The following CDH13 variants were observed in gnomAD, a reference collection of about 807,000 sequenced individuals.
The protein encoded by CDH13 is cadherin-13.
CDH13 carries 24 observed loss-of-function variants against 63.8 expected under a neutral mutation model. The observed-to-expected ratio is 0.38, with a 90% confidence interval of 0.27 to 0.53. The LOEUF (loss-of-function observed/expected upper bound fraction) is 0.53, where lower values mean the gene tolerates loss of function less well. Among genes scored for constraint, CDH13 ranks in the 20% least tolerant of loss-of-function variants. The pLI is 0.85. For synonymous variants in CDH13, 503 were observed against 355.3 expected (o/e 1.42, Z -4.67); for missense variants, 1,049 against 903.1 (o/e 1.16, Z -2.07).
chr16:83,181,423 C>A (rs891774879), intron 4 of CDH13, among the ~76,000 whole-genome samples: 6 of 152,296 alleles, frequency 3.9e-5, no homozygotes, highest in Non-Finnish European at 7.4e-5. Context: ...CATAAAGGAA[C>A]CACTATGTGG....
rs115211643 is a variant in CDH13, at chr16:83,536,038, T to C, written c.960+49383T>C. The stretch of plus-strand genomic sequence containing the variant: ...GGCTTTGGCCCTCCTCTCTCTAGAG[T>C]AGTCATTGAAAAATTCACCCAGGAC... On this transcript the variant is annotated intron_variant, in intron 7 of 13. Transcript: ENST00000567109. 5.5e-3 allele frequency among the ~76,000 whole-genome samples: 838 copies of C among 151,560 alleles called. 9 individuals are homozygous for C. Among genetic ancestry groups the C allele is most frequent in the African/African-American group, 0.019 (800 of 41,280 alleles).
At chr16:82,654,117 C>T (rs1250786522) in intron 1 of CDH13, among the ~76,000 whole-genome samples, 3 of 152,176 alleles carry the variant, frequency 2.0e-5, no homozygotes, top group Middle Eastern at 3.4e-3. Context: ...CATCTATTTC[C>T]GGCCTACACT....
intron 10 of CDH13, among the ~76,000 whole-genome samples, chr16:83,706,158 A>ATTG (rs1171738723): frequency 6.6e-6 from 1 of 152,158 alleles, no homozygotes; most frequent in Non-Finnish European, 1.5e-5. Flanking sequence ...TTATCTGGCA[A>ATTG]TTGTTGATTG....
intron 1 of CDH13, among the ~76,000 whole-genome samples, chr16:82,845,704 G>C (rs1232690697): frequency 6.6e-6 from 1 of 152,098 alleles, no homozygotes. Context: ...TCATATAGGG[G>C]CTCCTTTGTT....
chr16:82,673,366 C>T (rs909721358), intron 1 of CDH13, among the ~76,000 whole-genome samples: 1 of 152,146 alleles, frequency 6.6e-6, no homozygotes, highest in African/African-American at 2.4e-5. Context: ...AATGCCATTA[C>T]TAGTTCTCTC....
rs1011652924 is a variant in CDH13, at chr16:83,204,399, G to A, written c.484-12946G>A. On this transcript the variant is annotated intron_variant, in intron 4 of 13. Coordinates refer to ENST00000567109, the MANE Select transcript of CDH13 (RefSeq NM_001257.5). ...TAAAATGCTAAGAATAGCATGTGCC[G>A]GAGTCAGTGTTCAGTAAATGGTAGC... 1.4e-4 allele frequency among the ~76,000 whole-genome samples: 22 copies of A among 152,260 alleles called. 1 individual carries two copies. Among genetic ancestry groups the A allele is most frequent in the East Asian group, 7.7e-4 (4 of 5,184 alleles).
intron 7 of CDH13, among the ~76,000 whole-genome samples, chr16:83,495,237 A>G (rs540067446): frequency 3.4e-4 from 52 of 152,310 alleles, no homozygotes; most frequent in Admixed American, 7.2e-4. Flanking sequence ...CCATTAATCA[A>G]TACTTGTAAA....
chr16:82,755,530 C>A (rs147324084), intron 1 of CDH13, among the ~76,000 whole-genome samples: 5 of 152,318 alleles, frequency 3.3e-5, no homozygotes, highest in African/African-American at 1.2e-4. Flanking sequence ...CCCCAATTTT[C>A]TGAAATGTTT....
chr16:83,244,876 AC>A (rs1882749813), intron 5 of CDH13, among the ~76,000 whole-genome samples: 1 of 152,142 alleles, frequency 6.6e-6, no homozygotes, highest in African/African-American at 2.4e-5. Flanking sequence ...GAATCTGGTC[AC>A]ATAGGCACCC....
chr16:82,865,082 A>C (rs1004168892), intron 2 of CDH13, among the ~76,000 whole-genome samples: 1 of 152,206 alleles, frequency 6.6e-6, no homozygotes, highest in African/African-American at 2.4e-5. Context: ...CTGATGCAAG[A>C]GGTGGGTTCT....
chr16:83,730,627 G>A (rs1045534040), intron 10 of CDH13, among the ~76,000 whole-genome samples: 1 of 150,374 alleles, frequency 6.7e-6, no homozygotes, highest in African/African-American at 2.4e-5. Context: ...TGGGTTTTTT[G>A]TTTGTTTGTT....
At chr16:83,470,313 T>C (rs1490620641) in intron 6 of CDH13, among the ~76,000 whole-genome samples, 1 of 152,166 alleles carries the variant, frequency 6.6e-6, no homozygotes, top group Non-Finnish European at 1.5e-5. Context: ...CGCCTCAGTC[T>C]CCCAAACTGC....
intron 3 of CDH13, among the ~76,000 whole-genome samples, chr16:83,101,066 C>A (rs891933770): frequency 7.9e-5 from 12 of 151,942 alleles, no homozygotes; most frequent in African/African-American, 2.7e-4. Context: ...GATTGAGCAC[C>A]TACTATATGC....
At chr16:83,034,137 C>T (rs1425649930) in intron 3 of CDH13, among the ~76,000 whole-genome samples, 5 of 152,136 alleles carry the variant, frequency 3.3e-5, no homozygotes, top group Admixed American at 3.3e-4. Flanking sequence ...CCTGCAGTGG[C>T]AAATAAGTGG....
chr16:83,063,548 A>C (rs2031761395), intron 3 of CDH13, among the ~76,000 whole-genome samples: 1 of 152,224 alleles, frequency 6.6e-6, no homozygotes, highest in Non-Finnish European at 1.5e-5. Context: ...GACAGAGATG[A>C]TTTAGCTGAA....
chr16:82,949,258 C>G (rs764112696), intron 2 of CDH13, among the ~76,000 whole-genome samples: 1 of 152,288 alleles, frequency 6.6e-6, no homozygotes, highest in South Asian at 2.1e-4. Context: ...GTTCTGGCAG[C>G]CCCAGGTGTT....
chr16:83,277,962 C>G (rs1269364972), intron 5 of CDH13, among the ~76,000 whole-genome samples: 2 of 152,058 alleles, frequency 1.3e-5, no homozygotes, highest in Admixed American at 1.3e-4. Context: ...CAGTGAAATG[C>G]TATATCAAGT....
chr16:82,884,082 G>A, intron 2 of CDH13: 1 of 433,128 alleles, frequency 2.3e-6, no homozygotes, highest in Non-Finnish European at 4.6e-6. Context: ...GAAGTGCCAT[G>A]TAGATGTTCA....
intron 3 of CDH13, among the ~76,000 whole-genome samples, chr16:83,103,179 C>T (rs1447861074): frequency 6.7e-6 from 1 of 149,250 alleles, no homozygotes; most frequent in African/African-American, 2.5e-5. Context: ...TCTCAAACTC[C>T]TGATCTCAAG....
Sources: gnomAD v4.1 joint callset for allele counts (sites outside exome capture counted in the v4.1 genomes callset) on GRCh38, gnomAD v4.1.1 for gene constraint, MANE v1.5 for transcripts, NCBI Gene and HGNC (gene_info 2026-07-23, HGNC 2026-07-21) for gene names.